H2BC18: variants seen among roughly 807,000 people sequenced by gnomAD.
H2BC18 encodes histone H2B type 2-F.
Under a neutral mutation model 6.3 loss-of-function variants are expected in H2BC18, and 8 were observed. That is an observed-to-expected ratio of 1.28 (90% CI 0.75 to 2.31). H2BC18 has a LOEUF of 2.31. Among genes scored for constraint, H2BC18 ranks in the 30% most tolerant of loss-of-function variants. The probability of loss-of-function intolerance (pLI) is 0.00; values close to 1 mark genes in which losing one functional copy is unlikely to be tolerated. For synonymous variants in H2BC18, 104 were observed against 78.1 expected, an observed-to-expected ratio of 1.33 and a Z score of -1.75; for missense variants, 106 against 174.5, an observed-to-expected ratio of 0.61 and a Z score of 2.21.
chr1:149,812,210 G>C lies in H2BC18; in HGVS notation c.114C>G (p.Tyr38Ter), dbSNP rs587643369. 1.9e-6 allele frequency: 3 copies of C among 1,614,274 alleles called. No homozygotes were observed. The highest frequency in any genetic ancestry group is 1.7e-5 in the Admixed American group (1 of 60,034). The change falls in exon 1 of 1, where the codon TAC becomes TAG. Residue 38 changes from tyrosine to a stop codon, truncating the protein, a stop_gained. Coordinates refer to ENST00000369167, the MANE Select transcript of H2BC18 (RefSeq NM_001024599.5). LOFTEE classifies it high-confidence loss of function. ...TCAGCACCTTGTACACGTAAACGGA[G>C]TAGCTCTCCTTGCGGCTGCGCTTGC... is the stretch of plus-strand genomic sequence containing the variant. ...KKRKRSRKES[Y>*]SVYVYKVLKQ...
intron 1 of H2BC18, among the ~76,000 whole-genome samples, chr1:149,805,009 G>T (rs2091904900): frequency 6.6e-6 from 1 of 152,164 alleles, no homozygotes; most frequent in Non-Finnish European, 1.5e-5. Context: ...TCCAACCTCA[G>T]TTGCCTCTGA....
At position 149,812,061 on chromosome 1, in the gene H2BC18, G is replaced by C. The variant is rs1553754541; in HGVS notation, c.263C>G (p.Ser88Cys). 5 of 1,614,266 alleles carry C rather than the reference G, an allele frequency of 3.1e-6. No individual in the cohort carries two copies. Among genetic ancestry groups the C allele is most frequent in the South Asian group, 1.1e-5 (1 of 91,088 alleles). The change falls in exon 1 of 1, where the codon TCC becomes TGC. Residue 88 changes from serine (S) to cysteine (C), a missense_variant. Ser to Cys is a moderately radical substitution (Grantham distance 112). Transcript: ENST00000369167. ...CTGGATCTCGCGGGATGTGATGGTG[G>C]AGCGCTTGTTGTAGTGCGCCAGGCG... ...ASRLAHYNKR[S>C]TITSREIQTA...
intron 1 of H2BC18, chr1:149,803,748 C>G (rs2091893497): frequency 6.6e-6 from 1 of 152,212 alleles, no homozygotes; most frequent in South Asian, 2.1e-4. Context: ...TCTCTAGATT[C>G]TTGTGTCTCT....
chr1:149,790,033 C>T, intron 1 of H2BC18: 1 of 1,611,712 alleles, frequency 6.2e-7, no homozygotes, highest in Non-Finnish European at 8.5e-7. Context: ...CAACCTTGTC[C>T]CCCATCAACT....
chr1:149,812,318 C>A lies in H2BC18; in HGVS notation c.6G>T (p.Pro2=). The part of the protein sequence containing the change: M[P]DPAKSAPAPK... ...GAGCAGGAGCGGATTTCGCTGGATC[C>A]GGCATTTTTGCGCGAAAAAAGAGAA... The change falls in exon 1 of 1, where the codon CCG becomes CCT. Residue 2 remains proline (P), a synonymous_variant. Coordinates refer to ENST00000369167, the MANE Select transcript of H2BC18 (RefSeq NM_001024599.5). The A allele has an allele frequency of 6.2e-7, 1 of 1,614,118 alleles. No individual in the cohort carries two copies. Among genetic ancestry groups the A allele is most frequent in the South Asian group, 1.1e-5 (1 of 91,078 alleles).
chr1:149,801,845 T>C lies in H2BC18; in HGVS notation c.377+10102A>G, dbSNP rs1321231. Among the ~76,000 whole-genome samples, 176 of 151,222 alleles carry C rather than the reference T, an allele frequency of 1.2e-3. 2 individuals are homozygous for C. The highest frequency in any genetic ancestry group is 2.0e-3 in the African/African-American group (80 of 40,884). On this transcript the variant is annotated intron_variant, in intron 1 of 1. Transcript: ENST00000545683. ...GAAGAACAGTCACAGTTCTGTTTCA[T>C]TACGCTTCTATCTTTGAGACTCAAA...
chr1:149,789,346 T>C (rs2091639305), intron 1 of H2BC18, among the ~76,000 whole-genome samples: 1 of 152,012 alleles, frequency 6.6e-6, no homozygotes, highest in African/African-American at 2.4e-5. Flanking sequence ...TGAGCTGAGA[T>C]AGCGCCACTG....
In H2BC18 at chr1:149,791,485, G is replaced by T. The variant is rs1553751910; in HGVS notation, c.378-8225C>A. The T allele has an allele frequency of 2.5e-6, 4 of 1,609,294 alleles. No individual in the cohort carries two copies. In the East Asian group the frequency reaches 8.9e-5, roughly 36 times the overall value. On this transcript the variant is annotated intron_variant, in intron 1 of 1. Coordinates refer to the H2BC18 transcript ENST00000545683. ...AAAAGAAGAACAGCTGCAGGAAGGGGTGCACCGGAAGGAGCCCCAGGGGGC... is the reference window on the plus strand; with the variant it reads ...AAAAGAAGAACAGCTGCAGGAAGGGTTGCACCGGAAGGAGCCCCAGGGGGC...
downstream of H2BC18, among the ~76,000 whole-genome samples, chr1:149,807,988 G>A (rs1381490163): frequency 6.6e-6 from 1 of 151,994 alleles, no homozygotes; most frequent in Non-Finnish European, 1.5e-5. Context: ...GATAGCCAAA[G>A]CTGTTCAATA....
At chr1:149,804,124 G>A (rs1377018822) in intron 1 of H2BC18, among the ~76,000 whole-genome samples, 1 of 152,124 alleles carries the variant, frequency 6.6e-6, no homozygotes, top group African/African-American at 2.4e-5. Flanking sequence ...TAGTTTTCTA[G>A]ATAATTTCTA....
chr1:149,789,629 C>G (rs1276330812), intron 1 of H2BC18, among the ~76,000 whole-genome samples: 2 of 152,178 alleles, frequency 1.3e-5, no homozygotes, highest in African/African-American at 2.4e-5. Flanking sequence ...CATGAGCCAG[C>G]ATTACGGCCT....
At chr1:149,788,159 A>G in intron 1 of H2BC18, 1 of 773,382 alleles carries the variant, frequency 1.3e-6, no homozygotes, top group South Asian at 1.9e-5. Flanking sequence ...AAGATAAGAA[A>G]GGGCTGTGTA....
intron 1 of H2BC18, among the ~76,000 whole-genome samples, chr1:149,784,679 A>G (rs2091492561): frequency 7.1e-6 from 1 of 140,152 alleles, no homozygotes; most frequent in African/African-American, 2.6e-5. Flanking sequence ...ATATGTATAT[A>G]TTAGCATTAT....
At chr1:149,804,290 A>G (rs1265645839) in intron 1 of H2BC18, among the ~76,000 whole-genome samples, 2 of 152,134 alleles carry the variant, frequency 1.3e-5, no homozygotes, top group Non-Finnish European at 2.9e-5. Flanking sequence ...AAAAGAAGGT[A>G]CTTGCCAAAT....
At chr1:149,800,245 C>T (rs1374599252) in intron 1 of H2BC18, among the ~76,000 whole-genome samples, 41 of 152,184 alleles carry the variant, frequency 2.7e-4, no homozygotes, top group East Asian at 3.8e-4. Context: ...CTGGGTGCGC[C>T]GCCCTTCAGG....
chr1:149,807,920 G>T (rs1407850805), downstream of H2BC18, among the ~76,000 whole-genome samples: 20 of 152,214 alleles, frequency 1.3e-4, no homozygotes, highest in Admixed American at 1.3e-3. Flanking sequence ...GTGTTCTGAT[G>T]CTGTAAACTG....
At position 149,802,559 on chromosome 1, in the gene H2BC18, G is replaced by C. The variant is rs587684901; in HGVS notation, c.377+9388C>G. Among the ~76,000 whole-genome samples the C allele has an allele frequency of 1.1e-4, 16 of 152,264 alleles. No homozygotes were observed. The South Asian group carries it at 3.3e-3, about 32-fold the overall frequency. ...GATATAGATAGATGATAATAGATTA[G>C]ATACAGATATATTAAAAGGAGTTTA... On this transcript the variant is annotated intron_variant, in intron 1 of 1. Coordinates refer to the H2BC18 transcript ENST00000545683.
chr1:149,805,458 T>A (rs1485256316), intron 1 of H2BC18: 1 of 152,106 alleles, frequency 6.6e-6, no homozygotes, highest in Non-Finnish European at 1.5e-5. Context: ...GTAAGGTCCT[T>A]AAATACCCAA....
intron 1 of H2BC18, among the ~76,000 whole-genome samples, chr1:149,800,536 T>G (rs1380299255): frequency 1.4e-5 from 2 of 142,008 alleles, no homozygotes; most frequent in Admixed American, 1.4e-4. Flanking sequence ...ACATCACACT[T>G]TGGTGTTTCT....
Sources: gnomAD v4.1 joint callset for allele counts (sites outside exome capture counted in the v4.1 genomes callset) on GRCh38, gnomAD v4.1.1 for gene constraint, MANE v1.5 for transcripts, NCBI Gene and HGNC (gene_info 2026-07-23, HGNC 2026-07-21) for gene names.